RARB: variants seen among roughly 807,000 people sequenced by gnomAD.
RARB encodes the protein retinoic acid receptor beta.
Under a neutral mutation model 51.9 loss-of-function variants are expected in RARB, and 17 were observed. The observed-to-expected ratio is 0.33, with a 90% confidence interval of 0.22 to 0.49. The LOEUF is 0.49. Among genes scored for constraint, RARB ranks in the 20% least tolerant of loss-of-function variants. The pLI is 0.99. For synonymous variants in RARB, 215 were observed against 195.4 expected (o/e 1.10, Z -0.84); for missense variants, 369 against 550.8 (o/e 0.67, Z 3.30).
At chr3:24,914,742 A>G (rs188238244) in intron 2 of RARB, among the ~76,000 whole-genome samples, 1 of 152,288 alleles carries the variant, frequency 6.6e-6, no homozygotes, top group Non-Finnish European at 1.5e-5. Context: ...ACAACCATTC[A>G]TATTTTTCAA....
intron 5 of RARB, among the ~76,000 whole-genome samples, chr3:25,292,231 T>G (rs1336306647): frequency 6.6e-6 from 1 of 152,060 alleles, no homozygotes; most frequent in Non-Finnish European, 1.5e-5. Flanking sequence ...ATGCAGCGAG[T>G]TTAGGGCCAT....
chr3:25,336,495 T>C (rs558259920), intron 5 of RARB, among the ~76,000 whole-genome samples: 1 of 152,342 alleles, frequency 6.6e-6, no homozygotes, highest in African/African-American at 2.4e-5. Flanking sequence ...ATTTTAAACC[T>C]CTTGTGGGCA....
intron 2 of RARB, among the ~76,000 whole-genome samples, chr3:25,029,361 G>T (rs973051497): frequency 1.3e-5 from 2 of 152,210 alleles, no homozygotes; most frequent in African/African-American, 4.8e-5. Context: ...TTCTTAGAAA[G>T]CAGGAGGCTC....
chr3:25,365,641 A>G (rs1354874035), intron 5 of RARB, among the ~76,000 whole-genome samples: 5 of 152,202 alleles, frequency 3.3e-5, no homozygotes, highest in Non-Finnish European at 7.3e-5. Context: ...GAGTGACTTG[A>G]AGGCCAGATA....
At chr3:25,194,738 T>TTCTGGAATCAAATAAATTAACAC (rs897746700) in intron 5 of RARB, among the ~76,000 whole-genome samples, 2 of 151,842 alleles carry the variant, frequency 1.3e-5, no homozygotes, top group Non-Finnish European at 2.9e-5. Flanking sequence ...TGTATAAGCA[T>TTCTGGAATCAAATAAATTAACAC]TCTGGAATCA....
intron 5 of RARB, among the ~76,000 whole-genome samples, chr3:25,280,916 G>T (rs1260745356): frequency 6.6e-6 from 1 of 152,050 alleles, no homozygotes; most frequent in South Asian, 2.1e-4. Flanking sequence ...GGGTGTGTCT[G>T]TGTATAAGGG....
In RARB at chr3:25,336,445, A is replaced by G. The variant is rs575669398; in HGVS notation, c.179-124748A>G. Reference sequence around the variant, plus strand: ...ATAAAATGTATTTTATTCATTTAGTATTTGTTTAATGGCTTCTTATTGTCA... The same window carrying G: ...ATAAAATGTATTTTATTCATTTAGTGTTTGTTTAATGGCTTCTTATTGTCA... On this transcript the variant is annotated intron_variant, in intron 5 of 11. Transcript: ENST00000383772. Among the ~76,000 whole-genome samples the G allele has an allele frequency of 7.9e-5, 12 of 152,272 alleles. No homozygotes were observed. In the South Asian group the frequency reaches 2.3e-3, roughly 29 times the overall value.
rs1436246 is a variant in RARB at position 25,225,130 on chromosome 3, C to A, written c.178+50555C>A. ...CTTACCACTAGATTAAACTCTGACT[C>A]CCTTCATCTCTCCATTAATTCAAAA... On this transcript the variant is annotated intron_variant, in intron 5 of 11. Coordinates refer to the RARB transcript ENST00000383772. Among the ~76,000 whole-genome samples, 358 of 152,204 alleles carry A rather than the reference C, an allele frequency of 2.4e-3. 1 individual carries two copies. The highest frequency in any genetic ancestry group is 7.9e-3 in the African/African-American group (326 of 41,526).
chr3:25,109,526 T>A (rs1392542473), intron 3 of RARB, among the ~76,000 whole-genome samples: 1 of 152,154 alleles, frequency 6.6e-6, no homozygotes, highest in East Asian at 1.9e-4. Context: ...AAGCAAAATA[T>A]ATTTGAAAGT....
intron 5 of RARB, among the ~76,000 whole-genome samples, chr3:25,393,585 G>C (rs1202696257): frequency 6.6e-6 from 1 of 152,002 alleles, no homozygotes; most frequent in African/African-American, 2.4e-5. Flanking sequence ...GTTCTGTTAA[G>C]AGATTCCATT....
intron 5 of RARB, among the ~76,000 whole-genome samples, chr3:25,374,996 G>A (rs1011519683): frequency 4.6e-5 from 7 of 151,952 alleles, no homozygotes; most frequent in African/African-American, 1.7e-4. Flanking sequence ...AGTGCAAGAT[G>A]CACTGATCAT....
intron 2 of RARB, among the ~76,000 whole-genome samples, chr3:25,007,600 A>AAAAAAAAAAAAAAACAAAAC (rs1342393781): frequency 6.3e-5 from 9 of 143,260 alleles, no homozygotes; most frequent in African/African-American, 2.2e-4. Context: ...CTCAAAAAAA[A>AAAAAAAAAAAAAAACAAAAC]AAAACAAAAA....
At chr3:24,973,571 A>G (rs983911948) in intron 2 of RARB, among the ~76,000 whole-genome samples, 2 of 152,016 alleles carry the variant, frequency 1.3e-5, no homozygotes, top group African/African-American at 4.8e-5. Flanking sequence ...CATTTTAACA[A>G]TATTTTAATC....
At chr3:24,892,238 G>A (rs62230563) in intron 2 of RARB, among the ~76,000 whole-genome samples, 3 of 150,190 alleles carry the variant, frequency 2.0e-5, no homozygotes, top group South Asian at 4.2e-4. Flanking sequence ...AAAAAAAAGG[G>A]ATGTAGGTGG....
chr3:25,467,579 C>T (rs1392850228), intron 2 of RARB, among the ~76,000 whole-genome samples: 1 of 150,234 alleles, frequency 6.7e-6, no homozygotes, highest in Non-Finnish European at 1.5e-5. Flanking sequence ...GCTTGTATCA[C>T]ATTTGCTAAT....
intron 5 of RARB, among the ~76,000 whole-genome samples, chr3:25,380,578 T>A (rs1706595457): frequency 6.7e-6 from 1 of 149,804 alleles, no homozygotes; most frequent in African/African-American, 2.4e-5. Flanking sequence ...TTAGTGAAAC[T>A]TTTCTTGCTC....
At chr3:24,941,435 T>G (rs1695665184) in intron 2 of RARB, among the ~76,000 whole-genome samples, 1 of 151,716 alleles carries the variant, frequency 6.6e-6, no homozygotes, top group African/African-American at 2.4e-5. Context: ...AATGGCACGA[T>G]CTCGGCTCAC....
At chr3:24,830,752 GAA>G (rs1298383900) in intron 1 of RARB, among the ~76,000 whole-genome samples, 1 of 152,034 alleles carries the variant, frequency 6.6e-6, no homozygotes, top group African/African-American at 2.4e-5. Context: ...GAGAGAAGAG[GAA>G]AGAGGTAGGA....
At chr3:25,453,770 C>T (rs984727040) in intron 1 of RARB, among the ~76,000 whole-genome samples, 1 of 152,196 alleles carries the variant, frequency 6.6e-6, no homozygotes, top group Non-Finnish European at 1.5e-5. Context: ...CCCCGGCAAA[C>T]ACACACTTCT....
Sources: allele counts gnomAD v4.1 joint callset (sites outside exome capture counted in the v4.1 genomes callset), GRCh38; gene constraint gnomAD v4.1.1; transcripts MANE v1.5; gene names NCBI Gene and HGNC (gene_info 2026-07-23, HGNC 2026-07-21).